Variants in RBFOX1 observed in about 807,000 individuals in gnomAD.
RBFOX1 encodes RNA binding protein fox-1 homolog 1.
In RBFOX1, 8 loss-of-function variants were observed where a neutral mutation model predicts 57.7. The observed-to-expected ratio is 0.14, with a 90% CI of 0.08 to 0.25. The LOEUF is 0.25. RBFOX1 is among the 10% of genes least tolerant of loss of function. The pLI, the probability that RBFOX1 is intolerant of heterozygous loss-of-function variation, is 1.00. For missense variants in RBFOX1, 611 were observed against 548.5 expected (o/e 1.11, Z -1.14); for synonymous variants, 326 against 222.4 (o/e 1.47, Z -4.15).
chr16:6,646,664 A>G (rs2098537373), intron 2 of RBFOX1, among the ~76,000 whole-genome samples: 2 of 152,124 alleles, frequency 1.3e-5, no homozygotes, highest in East Asian at 1.9e-4. Context: ...AGAACGGGCA[A>G]AAGCAGACAG....
chr16:7,470,888 G>C (rs940404460), intron 4 of RBFOX1, among the ~76,000 whole-genome samples: 1 of 151,542 alleles, frequency 6.6e-6, no homozygotes, highest in South Asian at 2.1e-4. Flanking sequence ...AGGGCGGGAT[G>C]GGGGAGTATA....
At chr16:6,140,534 C>T (rs1157035635) in intron 1 of RBFOX1, among the ~76,000 whole-genome samples, 1 of 152,088 alleles carries the variant, frequency 6.6e-6, no homozygotes, top group Admixed American at 6.6e-5. Context: ...TGGCCTGTAG[C>T]AGGATCATCC....
At chr16:5,546,149 A>G (rs944175774) in intron 2 of RBFOX1, among the ~76,000 whole-genome samples, 14 of 152,230 alleles carry the variant, frequency 9.2e-5, no homozygotes, top group Admixed American at 3.9e-4. Context: ...GAAAATTACA[A>G]TATATTAATA....
chr16:7,620,128 A>G (rs996911935), intron 10 of RBFOX1, among the ~76,000 whole-genome samples: 2 of 152,240 alleles, frequency 1.3e-5, no homozygotes, highest in Non-Finnish European at 2.9e-5. Flanking sequence ...TCTGAAAACC[A>G]AAGTAAGTCC....
At chr16:6,055,788 A>G (rs1280071393) in intron 1 of RBFOX1, among the ~76,000 whole-genome samples, 2 of 152,030 alleles carry the variant, frequency 1.3e-5, no homozygotes, top group Non-Finnish European at 2.9e-5. Flanking sequence ...AGTACAGTAA[A>G]ATAAATCTAA....
At chr16:5,541,653 G>A (rs919992824) in intron 2 of RBFOX1, among the ~76,000 whole-genome samples, 6 of 152,218 alleles carry the variant, frequency 3.9e-5, no homozygotes, top group African/African-American at 9.6e-5. Flanking sequence ...GCCCTGAGCA[G>A]TTCCCAGCAT....
Position 6,767,079 on chromosome 16 carries a change from A to G in RBFOX1, c.-16+112429A>G, listed in dbSNP as rs1182995061. On this transcript the variant is annotated intron_variant, in intron 3 of 15. Coordinates refer to ENST00000550418, the MANE Select transcript of RBFOX1 (RefSeq NM_018723.4). ...TCATCTATTCAGTATCCATTTCCTC[A>G]TCCTGTGGTCCTATAATTGCATTTT... is the stretch of plus-strand genomic sequence containing the variant. 7.9e-5 allele frequency among the ~76,000 whole-genome samples: 12 copies of G among 152,010 alleles called. 1 individual carries two copies. Among genetic ancestry groups the G allele is most frequent in the South Asian group, 4.2e-4 (2 of 4,808 alleles).
At chr16:6,825,042 G>C (rs1327938124) in intron 3 of RBFOX1, among the ~76,000 whole-genome samples, 2 of 122,814 alleles carry the variant, frequency 1.6e-5, no homozygotes, top group Non-Finnish European at 3.2e-5. Context: ...TGTCACCCAG[G>C]CTGGAATGCA....
At chr16:5,558,245 C>G (rs958593102) in intron 2 of RBFOX1, among the ~76,000 whole-genome samples, 1 of 152,186 alleles carries the variant, frequency 6.6e-6, no homozygotes, top group Non-Finnish European at 1.5e-5. Flanking sequence ...AGCTGATTAA[C>G]ACACAAGCTG....
At chr16:5,318,550 G>C (rs1382539476) in intron 1 of RBFOX1, among the ~76,000 whole-genome samples, 1 of 151,822 alleles carries the variant, frequency 6.6e-6, no homozygotes, top group African/African-American at 2.4e-5. Context: ...TATTGAGTTA[G>C]AAATAAGAGC....
In RBFOX1 at chr16:7,455,133, C is replaced by G. The variant is rs114373425; in HGVS notation, c.28-63014C>G. On this transcript the variant is annotated intron_variant, in intron 4 of 15. Transcript: ENST00000550418. ...GCCATCTTGAAGCCTCAGATTGCATCTGGAATGAATATTATTAGAAGCAGC... is the reference window on the plus strand; with the variant it reads ...GCCATCTTGAAGCCTCAGATTGCATGTGGAATGAATATTATTAGAAGCAGC... 2.5e-3 allele frequency among the ~76,000 whole-genome samples: 374 copies of G among 152,310 alleles called. 3 individuals are homozygous for G. The highest frequency in any genetic ancestry group is 7.1e-3 in the Admixed American group (109 of 15,300).
chr16:7,403,007 C>A (rs1004826183), intron 4 of RBFOX1, among the ~76,000 whole-genome samples: 1 of 152,214 alleles, frequency 6.6e-6, no homozygotes, highest in Non-Finnish European at 1.5e-5. Context: ...GAACCTGGAA[C>A]TCCCCGTTCA....
chr16:6,893,301 G>T (rs2065960441), intron 3 of RBFOX1, among the ~76,000 whole-genome samples: 1 of 152,056 alleles, frequency 6.6e-6, no homozygotes. Context: ...CTGGGAGTCG[G>T]GAAAGAAAGC....
chr16:6,744,349 CTTAA>C (rs1430119548), intron 3 of RBFOX1, among the ~76,000 whole-genome samples: 15 of 151,894 alleles, frequency 9.9e-5, no homozygotes, highest in Admixed American at 4.6e-4. Flanking sequence ...ATTAATTTGC[CTTAA>C]TTAATGACTG....
rs556350680 is a variant in RBFOX1, at chr16:6,817,423, G to C, written c.-16+162773G>C. 9.9e-4 allele frequency among the ~76,000 whole-genome samples: 151 copies of C among 151,954 alleles called. 1 individual carries two copies. Among genetic ancestry groups the C allele is most frequent in the African/African-American group, 3.4e-3 (141 of 41,398 alleles). Reference sequence around the variant, plus strand: ...TAAAATTAACTTTTAGCTGGACGCAGTGGCTCATGCCTGTAATCCCAACGC... The same window carrying C: ...TAAAATTAACTTTTAGCTGGACGCACTGGCTCATGCCTGTAATCCCAACGC... On this transcript the variant is annotated intron_variant, in intron 3 of 15. Coordinates refer to ENST00000550418, the MANE Select transcript of RBFOX1 (RefSeq NM_018723.4).
At chr16:7,455,821 A>G (rs1262776510) in intron 4 of RBFOX1, among the ~76,000 whole-genome samples, 1 of 151,760 alleles carries the variant, frequency 6.6e-6, no homozygotes, top group East Asian at 1.9e-4. Flanking sequence ...GAAAAAAAAA[A>G]CTGATTCACA....
chr16:7,340,989 C>G (rs187590691), intron 4 of RBFOX1, among the ~76,000 whole-genome samples: 1 of 151,264 alleles, frequency 6.6e-6, no homozygotes, highest in Non-Finnish European at 1.5e-5. Flanking sequence ...TTCACACTCT[C>G]TGCTGCTGCT....
At chr16:7,281,662 C>T (rs1193449662) in intron 4 of RBFOX1, among the ~76,000 whole-genome samples, 1 of 151,972 alleles carries the variant, frequency 6.6e-6, no homozygotes, top group African/African-American at 2.4e-5. Context: ...AGACAGTGTC[C>T]AGCCACTGAG....
intron 3 of RBFOX1, among the ~76,000 whole-genome samples, chr16:5,772,207 C>T (rs970781754): frequency 2.0e-5 from 3 of 152,140 alleles, no homozygotes; most frequent in African/African-American, 7.2e-5. Context: ...TATAGAATAA[C>T]AATAGTGAAT....
Sources: gnomAD v4.1 joint callset for allele counts (sites outside exome capture counted in the v4.1 genomes callset) on GRCh38, gnomAD v4.1.1 for gene constraint, MANE v1.5 for transcripts, NCBI Gene and HGNC (gene_info 2026-07-23, HGNC 2026-07-21) for gene names.